The following DENND2B variants were observed in gnomAD, a reference collection of about 807,000 sequenced individuals.
DENND2B encodes the protein DENN domain containing 2B, also known as DENN domain-containing protein 2B.
DENND2B carries 32 observed loss-of-function variants against 116.0 expected under a neutral mutation model. The observed-to-expected ratio is 0.28, with a 90% CI of 0.21 to 0.37. The LOEUF (loss-of-function observed/expected upper bound fraction) is 0.37. Among genes scored for constraint, DENND2B ranks in the 10% least tolerant of loss-of-function variants. DENND2B has a pLI of 1.00. For missense variants in DENND2B, 1,276 were observed against 1,477.7 expected, an observed-to-expected ratio of 0.86 and a Z score of 2.24; for synonymous variants, 588 against 583.9, an observed-to-expected ratio of 1.01 and a Z score of -0.10.
intron 1 of DENND2B, among the ~76,000 whole-genome samples, chr11:8,884,391 A>C (rs951796197): frequency 2.0e-5 from 3 of 151,912 alleles, no homozygotes; most frequent in African/African-American, 7.3e-5. Flanking sequence ...CAGTGGTGCA[A>C]GCATAGCTCA....
intron 1 of DENND2B, among the ~76,000 whole-genome samples, chr11:8,889,842 C>T (rs2064006602): frequency 6.6e-6 from 1 of 152,224 alleles, no homozygotes. Flanking sequence ...CAAAAGGCAG[C>T]AGAAACCTCT....
At chr11:8,826,794 A>G (rs1296755210) in intron 4 of DENND2B, among the ~76,000 whole-genome samples, 2 of 152,230 alleles carry the variant, frequency 1.3e-5, no homozygotes, top group African/African-American at 2.4e-5. Context: ...GGCCCATCCT[A>G]TGTTTCTGCG....
At chr11:8,800,009 A>G (rs2060184290) in intron 1 of DENND2B, among the ~76,000 whole-genome samples, 1 of 151,614 alleles carries the variant, frequency 6.6e-6, no homozygotes, top group Non-Finnish European at 1.5e-5. Flanking sequence ...GCTAGAGTGC[A>G]GTGGCACAAT....
intron 2 of DENND2B, among the ~76,000 whole-genome samples, chr11:8,866,133 G>A (rs2063570403): frequency 6.6e-6 from 1 of 151,924 alleles, no homozygotes; most frequent in Non-Finnish European, 1.5e-5. Flanking sequence ...CTAATTTTTT[G>A]TATTTTTAGT....
At chr11:8,840,091 G>A (rs573407943) in intron 3 of DENND2B, among the ~76,000 whole-genome samples, 3 of 151,998 alleles carry the variant, frequency 2.0e-5, no homozygotes, top group East Asian at 1.9e-4. Flanking sequence ...GAAATCCCCC[G>A]CCCAATGCCT....
At chr11:8,854,700 ACTCTAT>A (rs1457791932) in intron 3 of DENND2B, among the ~76,000 whole-genome samples, 1 of 151,286 alleles carries the variant, frequency 6.6e-6, no homozygotes, top group Non-Finnish European at 1.5e-5. Flanking sequence ...ACATGACAAG[ACTCTAT>A]CTCTATAAAT....
At chr11:8,899,195 G>C (rs899316837) in intron 1 of DENND2B, among the ~76,000 whole-genome samples, 1 of 151,892 alleles carries the variant, frequency 6.6e-6, no homozygotes, top group African/African-American at 2.4e-5. Flanking sequence ...GAAGAAAAAT[G>C]AACAAGCCTC....
At chr11:8,695,160 G>A (rs2133651039) in intron 19 of DENND2B, among the ~76,000 whole-genome samples, 1 of 152,328 alleles carries the variant, frequency 6.6e-6, no homozygotes, top group Admixed American at 6.5e-5. Flanking sequence ...ATGGGAAGAT[G>A]TGCACAGGTT....
intron 1 of DENND2B, among the ~76,000 whole-genome samples, chr11:8,783,569 A>T (rs1371647058): frequency 6.6e-6 from 1 of 152,224 alleles, no homozygotes; most frequent in East Asian, 1.9e-4. Flanking sequence ...GATACACCAC[A>T]AATTAACAAT....
intron 4 of DENND2B, chr11:8,718,339 G>A (rs1239438503): frequency 2.0e-6 from 3 of 1,532,482 alleles, no homozygotes; most frequent in Non-Finnish European, 2.6e-6. Context: ...AACTCTCAGG[G>A]GATCTCCCTG....
intron 1 of DENND2B, among the ~76,000 whole-genome samples, chr11:8,891,129 T>C (rs924155242): frequency 6.6e-6 from 1 of 152,292 alleles, no homozygotes; most frequent in East Asian, 1.9e-4. Flanking sequence ...GAATTTCATA[T>C]CCAGCCAACT....
chr11:8,701,344 C>CGGGGGCGGGG (rs2041587176), intron 14 of DENND2B, among the ~76,000 whole-genome samples: 1 of 11,238 alleles, frequency 8.9e-5, no homozygotes, highest in African/African-American at 4.4e-4. Context: ...GGCCAGCTTC[C>CGGGGGCGGGG]GGGGGGGGGG....
At chr11:8,745,951 G>A (rs1324595662) in intron 2 of DENND2B, among the ~76,000 whole-genome samples, 18 of 152,234 alleles carry the variant, frequency 1.2e-4, no homozygotes, top group Admixed American at 1.2e-3. Flanking sequence ...TTTCCTTGCT[G>A]AGCCCTACCC....
chr11:8,866,292 T>C (rs1035215511), intron 2 of DENND2B, among the ~76,000 whole-genome samples: 5 of 152,202 alleles, frequency 3.3e-5, no homozygotes, highest in Admixed American at 2.6e-4. Flanking sequence ...TTAGCTATCT[T>C]AGAAAACCTA....
At chr11:8,862,322 CTTTTTTT>C (rs557309893) in intron 2 of DENND2B, among the ~76,000 whole-genome samples, 7 of 64,882 alleles carry the variant, frequency 1.1e-4, no homozygotes, top group African/African-American at 2.1e-4. Context: ...CTTTTTCACT[CTTTTTTT>C]TTTTTTTTTT....
chr11:8,797,924 C>G (rs2059977117), intron 1 of DENND2B, among the ~76,000 whole-genome samples: 1 of 152,168 alleles, frequency 6.6e-6, no homozygotes, highest in South Asian at 2.1e-4. Context: ...CAAGCTCTTT[C>G]CTACCTCAGG....
intron 4 of DENND2B, among the ~76,000 whole-genome samples, chr11:8,834,986 C>T: frequency 6.6e-6 from 1 of 152,182 alleles, no homozygotes; most frequent in Non-Finnish European, 1.5e-5. Flanking sequence ...TGGCTCACAC[C>T]TGTAATCTCA....
intron 4 of DENND2B, among the ~76,000 whole-genome samples, chr11:8,838,285 A>G (rs2062505446): frequency 6.6e-6 from 1 of 152,118 alleles, no homozygotes; most frequent in South Asian, 2.1e-4. Context: ...CTTCACCATG[A>G]AATAAGTTCC....
chr11:8,889,910 G>A (rs140711231), intron 1 of DENND2B, among the ~76,000 whole-genome samples: 7 of 152,282 alleles, frequency 4.6e-5, no homozygotes, highest in East Asian at 3.9e-4. Context: ...CTCCAAGCAC[G>A]GAATTTGAGA....
Sources: allele counts gnomAD v4.1 joint callset (sites outside exome capture counted in the v4.1 genomes callset), GRCh38; gene constraint gnomAD v4.1.1; transcripts MANE v1.5; gene names NCBI Gene and HGNC (gene_info 2026-07-23, HGNC 2026-07-21).